SELENOW: variants seen among roughly 807,000 people sequenced by gnomAD.
SELENOW encodes selenoprotein W, also known as selenoprotein W, 1.
In SELENOW, 20 loss-of-function variants were observed where a neutral mutation model predicts 16.6. The ratio of observed to expected loss-of-function variants is 1.21; its 90% CI spans 0.85 to 1.76. The LOEUF (loss-of-function observed/expected upper bound fraction) is 1.76, where lower values mean the gene tolerates loss of function less well. Among genes scored for constraint, SELENOW ranks in the 40% most tolerant of loss-of-function variants. The pLI is 0.00. For missense variants in SELENOW, 124 were observed against 111.0 expected (o/e 1.12, Z -0.53); for synonymous variants, 44 against 46.2 (o/e 0.95, Z 0.19).
At chr19:47,780,684 C>T in intron 1 of SELENOW, 41 bp from the exon 2 acceptor site, 2 of 1,547,450 alleles carry the variant, frequency 1.3e-6, no homozygotes, top group Non-Finnish European at 1.7e-6. Context: ...CCACTTCTCC[C>T]TCTCTCCCCT....
rs370232557 is a variant in SELENOW at position 47,779,924 on chromosome 19, CA to C, written c.30-800del. 3.2e-5 allele frequency: 9 copies of C among 281,126 alleles called. No homozygotes were observed. In the East Asian group the frequency reaches 8.3e-4, roughly 26 times the overall value. The allele number at this position is 281,126 out of a possible 1,614,324, so 17.4% of individuals were successfully genotyped here. ...AGCTTCAAGTCTGGACTGCAGGTGACAGGGGTAACTGGAACCTGGGTTTGTC... is the reference window on the plus strand; with the variant it reads ...AGCTTCAAGTCTGGACTGCAGGTGACGGGGTAACTGGAACCTGGGTTTGTC... On this transcript the variant is annotated intron_variant, in intron 1 of 5. Coordinates refer to ENST00000601048, the MANE Select transcript of SELENOW (RefSeq NM_003009.4).
chr19:47,782,240 T>C (rs1967485421), intron 5 of SELENOW: 1 of 152,472 alleles, frequency 6.6e-6, no homozygotes, highest in African/African-American at 2.4e-5. Flanking sequence ...TCTAGGAATA[T>C]TCCAGACCTG....
chr19:47,778,893 G>A, intron 1 of SELENOW, 79 bp downstream of exon 1: 2 of 1,449,392 alleles, frequency 1.4e-6, no homozygotes, highest in East Asian at 2.4e-5. Context: ...GGGAGCCCCG[G>A]GGAGAGGACC....
chr19:47,783,560 A>G (rs970788724), intron 5 of SELENOW: 2 of 152,184 alleles, frequency 1.3e-5, no homozygotes, highest in Non-Finnish European at 2.9e-5. Flanking sequence ...TTGATCTAGA[A>G]CAGAGTATCC....
At chr19:47,780,643 C>T (rs1427972874) in intron 1 of SELENOW, 82 bp from the exon 2 acceptor site, 14 of 1,234,516 alleles carry the variant, frequency 1.1e-5, no homozygotes, top group South Asian at 2.6e-5. Context: ...CTCCCCACAC[C>T]GCCTGTGTCT....
intron 3 of SELENOW, 77 bp from the exon 4 acceptor site, chr19:47,781,031 A>T (rs1288511439): frequency 2.6e-6 from 4 of 1,547,496 alleles, no homozygotes. Context: ...CCATGTTCTC[A>T]TCCCCCTGGG....
chr19:47,784,285 C>G lies in SELENOW; in HGVS notation c.*19-5C>G, dbSNP rs1392444587. ...TACCCCAACCACCTCTTTTTCTCTC[C>G]ACAGTCCAGGGACCTTGACCCAGCC... On this transcript the variant is annotated splice_region_variant and splice_polypyrimidine_tract_variant and intron_variant, in intron 5 of 5. Transcript: ENST00000601048. 1.3e-5 allele frequency: 2 copies of G among 152,836 alleles called. No homozygotes were observed. The highest frequency in any genetic ancestry group is 2.9e-5 in the Non-Finnish European group (2 of 68,164). 9.5% of individuals were successfully genotyped at this position (152,836 alleles called of 1,614,324 possible). A position where few individuals can be genotyped will look rare whatever the true frequency, so the allele number is the denominator to read the frequency against.
intron 2 of SELENOW, 42 bp downstream of exon 2, chr19:47,780,791 G>C (rs758596617): frequency 1.3e-5 from 20 of 1,593,032 alleles, no homozygotes; most frequent in Non-Finnish European, 4.3e-6. Flanking sequence ...TGGGAGCTGG[G>C]GAGGGGTAGA....
chr19:47,781,556 G>A, intron 5 of SELENOW, 168 bp downstream of exon 5: 1 of 611,056 alleles, frequency 1.6e-6, no homozygotes, highest in Non-Finnish European at 2.9e-6. Context: ...CAACAACTGA[G>A]ATGGGGTCAG....
At position 47,781,131 on chromosome 19, in the gene SELENOW, C is replaced by G. The variant is rs1246776737; in HGVS notation, c.132C>G (p.Ala44=). The G allele has an allele frequency of 6.2e-7, 1 of 1,613,710 alleles. No homozygotes were observed. Among genetic ancestry groups the G allele is most frequent in the Non-Finnish European group, 8.5e-7 (1 of 1,179,828 alleles). ...LDICGEGTPQ[A]TGFFEVMVAG... ...AGTGCGGCGAGGGAACTCCCCAGGC[C>G]ACCGGGTTCTTTGAAGTGATGGTAG... Residue 44 remains alanine, a synonymous_variant, in exon 4 of 6, where the codon GCC becomes GCG. Coordinates refer to ENST00000601048, the MANE Select transcript of SELENOW (RefSeq NM_003009.4).
At position 47,781,389 on chromosome 19, in the gene SELENOW, G is replaced by T. The variant is rs539569855; in HGVS notation, c.*18+1G>T. 5 of 1,509,340 alleles carry T rather than the reference G, an allele frequency of 3.3e-6. No individual in the cohort carries two copies. The African/African-American group carries it at 4.1e-5, about 12-fold the overall frequency. 93.5% of individuals were successfully genotyped at this position (1,509,340 alleles called of 1,614,324 possible). On this transcript the variant is annotated splice_donor_variant, in intron 5 of 5. Transcript: ENST00000601048. LOFTEE classifies it low-confidence loss of function (3UTR_SPLICE). ...GGGCTAATGCGCCCTGAAGGCAGAG[G>T]TGAGGGGGCCCACTAGACAGGGACA...
At chr19:47,782,208 G>T (rs1967484989) in intron 5 of SELENOW, 1 of 152,604 alleles carries the variant, frequency 6.6e-6, no homozygotes, top group Non-Finnish European at 1.5e-5. Context: ...ATTATCACCG[G>T]GCTCTGAACC....
intron 5 of SELENOW, chr19:47,783,604 C>G (rs1007692742): frequency 2.0e-5 from 3 of 152,190 alleles, no homozygotes; most frequent in Non-Finnish European, 2.9e-5. Flanking sequence ...AGTACCAGCT[C>G]CCAGTGTGCC....
intron 5 of SELENOW, chr19:47,783,869 TGG>T (rs1967503284): frequency 6.6e-6 from 1 of 151,904 alleles, no homozygotes; most frequent in Non-Finnish European, 1.5e-5. Context: ...CTGTTGAGCG[TGG>T]GGTGGGGTGC....
chr19:47,778,834 G>GCCAGCGA lies in SELENOW; in HGVS notation c.29+22_29+23insAGCGACC, dbSNP rs1967438301. 1 of 1,597,732 alleles carries GCCAGCGA rather than the reference G, an allele frequency of 6.3e-7. No individual in the cohort carries two copies. The highest frequency in any genetic ancestry group is 1.3e-5 in the African/African-American group (1 of 74,512). ...TTATTGGTAAGCCCAGCGGCCAGCGGCCCCCGTCCCCGACCCCCGCCGGGA... is the reference window on the plus strand; with the variant it reads ...TTATTGGTAAGCCCAGCGGCCAGCGGCCAGCGACCCCCGTCCCCGACCCCCGCCGGGA... On this transcript the variant is annotated intron_variant, in intron 1 of 5. Coordinates refer to ENST00000601048, the MANE Select transcript of SELENOW (RefSeq NM_003009.4).
At chr19:47,780,250 G>A (rs1313544458) in intron 1 of SELENOW, 13 of 373,388 alleles carry the variant, frequency 3.5e-5, no homozygotes, top group Middle Eastern at 7.8e-4. Flanking sequence ...AATTAGCTGG[G>A]CGTGGTGTAA....
At chr19:47,781,762 G>A (rs1337522586) in intron 5 of SELENOW, among the ~76,000 whole-genome samples, 1 of 151,848 alleles carries the variant, frequency 6.6e-6, no homozygotes, top group East Asian at 1.9e-4. Context: ...AGGTGTGCAG[G>A]ATGACGGCTG....
At chr19:47,780,157 C>T (rs1479077842) in intron 1 of SELENOW, 3 of 454,646 alleles carry the variant, frequency 6.6e-6, no homozygotes, top group African/African-American at 4.0e-5. Context: ...CCTGTAATCT[C>T]AGCACTTTGG....
chr19:47,778,835 C>CCAGCGG (rs2123695664), intron 1 of SELENOW, 21 bp downstream of exon 1: 1 of 1,598,502 alleles, frequency 6.3e-7, no homozygotes, highest in Non-Finnish European at 8.5e-7. Flanking sequence ...CGGCCAGCGG[C>CCAGCGG]CCCCGTCCCC....
Sources: gnomAD v4.1 joint callset for allele counts (sites outside exome capture counted in the v4.1 genomes callset) on GRCh38, gnomAD v4.1.1 for gene constraint, MANE v1.5 for transcripts, NCBI Gene and HGNC (gene_info 2026-07-23, HGNC 2026-07-21) for gene names.